The following DLG4 variants were observed in gnomAD, a reference collection of about 807,000 sequenced individuals.
The protein encoded by DLG4 is disks large homolog 4.
DLG4 carries 7 observed loss-of-function variants against 93.8 expected under a neutral mutation model. The observed-to-expected ratio is 0.07, with a 90% CI of 0.04 to 0.14. The LOEUF (loss-of-function observed/expected upper bound fraction) is 0.14, where lower values mean the gene tolerates loss of function less well. DLG4 is among the 10% of genes least tolerant of loss of function. The pLI is 1.00. For missense variants in DLG4, 545 were observed against 992.9 expected, an observed-to-expected ratio of 0.55 and a Z score of 6.06; for synonymous variants, 341 against 387.6, an observed-to-expected ratio of 0.88 and a Z score of 1.41.
At chr17:7,200,554 G>C (rs1351511746) in intron 8 of DLG4, among the ~76,000 whole-genome samples, 3 of 103,396 alleles carry the variant, frequency 2.9e-5, no homozygotes, top group African/African-American at 6.8e-5. Flanking sequence ...TTTTTTTTTT[G>C]TCGTTTTTTG....
At chr17:7,199,609 C>G (rs929328326) in intron 8 of DLG4, among the ~76,000 whole-genome samples, 4 of 151,976 alleles carry the variant, frequency 2.6e-5, no homozygotes, top group Admixed American at 2.0e-4. Flanking sequence ...TTGCTGAGAC[C>G]CTATTAGTCC....
chr17:7,211,201 C>T (rs909964268), intron 1 of DLG4, among the ~76,000 whole-genome samples: 2 of 151,432 alleles, frequency 1.3e-5, no homozygotes, highest in African/African-American at 4.9e-5. Context: ...ATCAGCACCT[C>T]TCAGTCTTGG....
chr17:7,201,774 G>A (rs1006181165), intron 8 of DLG4, among the ~76,000 whole-genome samples: 23 of 152,040 alleles, frequency 1.5e-4, no homozygotes, highest in Admixed American at 2.6e-4. Context: ...CCAGCTACTC[G>A]GGAGGCCGGG....
chr17:7,205,196 T>C (rs567491463), intron 2 of DLG4: 7 of 982,744 alleles, frequency 7.1e-6, no homozygotes, highest in East Asian at 1.1e-4. Context: ...CTGGGAGTGG[T>C]GAAAGACATC....
In DLG4 at chr17:7,192,930, C is replaced by T. The variant is rs761850378; in HGVS notation, c.1866+15G>A. 2.5e-6 allele frequency: 4 copies of T among 1,598,304 alleles called. No homozygotes were observed. The highest frequency in any genetic ancestry group is 1.1e-5 in the South Asian group (1 of 89,638). ...AGGGGAGAAGGAAGAGGACCGGGTG[C>T]CCGCCAGGTCCTACCTGCTCTGCCA... On this transcript the variant is annotated intron_variant, in intron 17 of 19. Coordinates refer to ENST00000399506, the MANE Select transcript of DLG4 (RefSeq NM_001321075.3).
Position 7,188,033 on chromosome 17 carries a change from G to A in DLG4, c.*2675C>T, listed in dbSNP as rs2142788135. On this transcript the variant is annotated 3_prime_UTR_variant, in exon 20 of 20. Transcript: ENST00000399506. ...TGCAGTGAGCCGAGATCGCGCCATTGCACTCCAGCTTGGGCAACAAAAGTG... is the reference window on the plus strand; with the variant it reads ...TGCAGTGAGCCGAGATCGCGCCATTACACTCCAGCTTGGGCAACAAAAGTG... 6.7e-6 allele frequency among the ~76,000 whole-genome samples: 1 copy of A among 148,976 alleles called. No individual in the cohort carries two copies. Among genetic ancestry groups the A allele is most frequent in the South Asian group, 2.1e-4 (1 of 4,718 alleles).
At chr17:7,204,318 G>C in intron 2 of DLG4, 66 bp from the exon 3 acceptor site, 1 of 1,478,980 alleles carries the variant, frequency 6.8e-7, no homozygotes, top group Non-Finnish European at 9.1e-7. Context: ...CCATAACGGA[G>C]GGTCCCATCA....
At position 7,208,091 on chromosome 17, in the gene DLG4, T is replaced by C; in HGVS notation, c.96+83A>G. 2 of 1,315,716 alleles carry C rather than the reference T, an allele frequency of 1.5e-6. No individual in the cohort carries two copies. The highest frequency in any genetic ancestry group is 2.0e-6 in the Non-Finnish European group (2 of 1,023,476). 81.5% of individuals were successfully genotyped at this position (1,315,716 alleles called of 1,614,324 possible). A position where few individuals can be genotyped will look rare whatever the true frequency, so the allele number is the denominator to read the frequency against. ...GTCTCCTACCTTGAAGGGGGAGAGGTGGGCGTGGCCCACGACCCCGTGGCC... is the reference window on the plus strand; with the variant it reads ...GTCTCCTACCTTGAAGGGGGAGAGGCGGGCGTGGCCCACGACCCCGTGGCC... On this transcript the variant is annotated intron_variant, in intron 2 of 19. Coordinates refer to ENST00000399506, the MANE Select transcript of DLG4 (RefSeq NM_001321075.3). This position sits in a 1 kb window ranked among gnomAD's most constrained non-coding sequence, Gnocchi z 5.4.
intron 1 of DLG4, among the ~76,000 whole-genome samples, chr17:7,212,573 C>T (rs766406266): frequency 1.7e-4 from 26 of 152,158 alleles, no homozygotes; most frequent in Non-Finnish European, 2.9e-4. Flanking sequence ...ACACCAGAAC[C>T]CAATTTCAGG....
intron 3 of DLG4, 42 bp from the exon 4 acceptor site, chr17:7,204,109 C>T (rs762646383): frequency 1.9e-6 from 3 of 1,601,048 alleles, no homozygotes; most frequent in Non-Finnish European, 2.6e-6. Context: ...ACAGACATTC[C>T]TGTCTGACCA....
chr17:7,218,923 A>G, upstream of DLG4: 2 of 1,547,642 alleles, frequency 1.3e-6, no homozygotes, highest in Non-Finnish European at 1.8e-6. Flanking sequence ...ACTAAATTCC[A>G]GCTGTGAGTA....
chr17:7,204,910 G>A (rs1200378453), intron 2 of DLG4: 1 of 969,200 alleles, frequency 1.0e-6, no homozygotes. Context: ...GCCTAGCAAC[G>A]GTATCTAGGA....
chr17:7,193,822 T>C lies in DLG4; in HGVS notation c.1543+22A>G, dbSNP rs374196203. ...ACTCAGTGCTCCTCTCACCCACATC[T>C]TCCCGAACTAACCCTACCTACCCTG... On this transcript the variant is annotated intron_variant, in intron 14 of 19. Coordinates refer to ENST00000399506, the MANE Select transcript of DLG4 (RefSeq NM_001321075.3). This position sits in a 1 kb window ranked among gnomAD's most constrained non-coding sequence, Gnocchi z 6.7. The C allele has an allele frequency of 1.3e-4, 202 of 1,612,974 alleles. No individual in the cohort carries two copies. The African/African-American group carries it at 2.1e-3, about 17-fold the overall frequency.
At chr17:7,217,899 C>A, upstream of DLG4, 1 of 1,369,148 alleles carries the variant, frequency 7.3e-7, no homozygotes, top group Admixed American at 2.0e-5. Flanking sequence ...GGGAGGGAGG[C>A]CTCTCGGCAG....
Position 7,191,127 on chromosome 17 carries a change from T to C in DLG4, c.2068+140A>G. 2.7e-6 allele frequency: 2 copies of C among 748,982 alleles called. No homozygotes were observed. Among genetic ancestry groups the C allele is most frequent in the Non-Finnish European group, 2.2e-6 (1 of 447,432 alleles). The allele number at this position is 748,982 out of a possible 1,614,324, so 46.4% of individuals were successfully genotyped here. ...TGGGATTACAGGTGCCCGCCAGTGCTGGGATTACAGGCGTGAGCCACCATG... is the reference window on the plus strand; with the variant it reads ...TGGGATTACAGGTGCCCGCCAGTGCCGGGATTACAGGCGTGAGCCACCATG... On this transcript the variant is annotated intron_variant, in intron 19 of 19. Transcript: ENST00000399506. This position sits in a 1 kb window ranked among gnomAD's most constrained non-coding sequence, Gnocchi z 6.6.
rs1436565150 is a variant in DLG4, at chr17:7,194,537, T to G, written c.1302-42A>C. ...TATCGGTCAGAGCCCAGCTGAGGAC[T>G]CCAGGAAGGATGCCCCAGTCACCCA... On this transcript the variant is annotated intron_variant, in intron 11 of 19. Coordinates refer to ENST00000399506, the MANE Select transcript of DLG4 (RefSeq NM_001321075.3). The surrounding 1 kb of genome is among the most constrained non-coding windows in gnomAD (Gnocchi z 4.4). 2 of 1,562,296 alleles carry G rather than the reference T, an allele frequency of 1.3e-6. No homozygotes were observed. Among genetic ancestry groups the G allele is most frequent in the Non-Finnish European group, 1.7e-6 (2 of 1,153,306 alleles).
chr17:7,202,775 G>A (rs375407385), intron 8 of DLG4, 128 bp downstream of exon 8: 1 of 1,163,110 alleles, frequency 8.6e-7, no homozygotes, highest in East Asian at 2.4e-5. Context: ...CAACAGCAAG[G>A]ATCAGAGGTT....
chr17:7,214,650 C>G (rs2070834290), intron 1 of DLG4, among the ~76,000 whole-genome samples: 1 of 152,230 alleles, frequency 6.6e-6, no homozygotes, highest in Non-Finnish European at 1.5e-5. Flanking sequence ...CCCACTTGTT[C>G]TGCTCCGCCT....
chr17:7,202,817 G>C, intron 8 of DLG4, 86 bp downstream of exon 8: 1 of 1,530,190 alleles, frequency 6.5e-7, no homozygotes, highest in Non-Finnish European at 9.0e-7. Context: ...TCTGAAGAGG[G>C]ACAGCTACAG....
Sources: allele counts gnomAD v4.1 joint callset (sites outside exome capture counted in the v4.1 genomes callset), GRCh38; gene constraint gnomAD v4.1.1; non-coding constraint Gnocchi (gnomAD v3.1); transcripts MANE v1.5; gene names NCBI Gene and HGNC (gene_info 2026-07-23, HGNC 2026-07-21).